The following SRGAP1 variants were observed in gnomAD, a reference collection of about 807,000 sequenced individuals.
SRGAP1 encodes the protein SLIT-ROBO Rho GTPase-activating protein 1.
Under a neutral mutation model 121.9 loss-of-function variants are expected in SRGAP1, and 43 were observed. The observed-to-expected ratio is 0.35, with a 90% confidence interval of 0.28 to 0.46. SRGAP1 has a LOEUF of 0.46. Ranked by LOEUF, SRGAP1 falls within the 20% of genes least tolerant of loss-of-function variation. The pLI, the probability that SRGAP1 is intolerant of heterozygous loss-of-function variation, is 1.00. For synonymous variants in SRGAP1, 447 were observed against 485.4 expected (o/e 0.92, Z 1.04); for missense variants, 1,102 against 1,350.9 (o/e 0.82, Z 2.89).
intron 1 of SRGAP1, among the ~76,000 whole-genome samples, chr12:63,946,228 T>C (rs2032041434): frequency 6.6e-6 from 1 of 152,088 alleles, no homozygotes; most frequent in Non-Finnish European, 1.5e-5. Flanking sequence ...ATGTTACCAT[T>C]GTCACCATCC....
rs2037031620 is a variant in SRGAP1, at chr12:64,145,172, A to G, written c.*2500A>G. 6.6e-6 allele frequency: 1 copy of G among 152,124 alleles called. No individual in the cohort carries two copies. Among genetic ancestry groups the G allele is most frequent in the South Asian group, 2.1e-4 (1 of 4,816 alleles). 9.4% of individuals were successfully genotyped at this position (152,124 alleles called of 1,614,324 possible). A position where few individuals can be genotyped will look rare whatever the true frequency, so the allele number is the denominator to read the frequency against. ...AAAATAGTAAGAATTCTTAAAAACCATATTCCTTGTTTGATGGAAGAGTAA... is the reference window on the plus strand; with the variant it reads ...AAAATAGTAAGAATTCTTAAAAACCGTATTCCTTGTTTGATGGAAGAGTAA... On this transcript the variant is annotated 3_prime_UTR_variant, in exon 22 of 22. Coordinates refer to ENST00000355086, the MANE Select transcript of SRGAP1 (RefSeq NM_020762.4).
intron 11 of SRGAP1, among the ~76,000 whole-genome samples, chr12:64,090,271 G>A (rs2036025391): frequency 6.6e-6 from 1 of 152,204 alleles, no homozygotes. Flanking sequence ...ATGTGCATAT[G>A]TCAGAGAGAA....
intron 4 of SRGAP1, among the ~76,000 whole-genome samples, chr12:64,042,448 T>G (rs1374149087): frequency 6.6e-6 from 1 of 152,182 alleles, no homozygotes; most frequent in Non-Finnish European, 1.5e-5. Flanking sequence ...AATAAACGGT[T>G]TATTCTGCAA....
chr12:64,084,619 G>A (rs1311327940), intron 10 of SRGAP1, among the ~76,000 whole-genome samples: 1 of 151,974 alleles, frequency 6.6e-6, no homozygotes, highest in Admixed American at 6.6e-5. Context: ...GCACGCTCTT[G>A]GTTCATTATT....
intron 4 of SRGAP1, among the ~76,000 whole-genome samples, chr12:64,017,696 T>A (rs1277200824): frequency 6.6e-6 from 1 of 151,962 alleles, no homozygotes; most frequent in Non-Finnish European, 1.5e-5. Context: ...ACTTGAGCAA[T>A]TTAGGTTGCG....
chr12:64,090,887 T>C (rs2036038565), intron 11 of SRGAP1, among the ~76,000 whole-genome samples: 1 of 152,140 alleles, frequency 6.6e-6, no homozygotes, highest in Admixed American at 6.5e-5. Context: ...TAATTCCTCA[T>C]TTGGGGATCT....
intron 1 of SRGAP1, among the ~76,000 whole-genome samples, chr12:63,910,980 A>C (rs1213673224): frequency 6.6e-6 from 1 of 152,140 alleles, no homozygotes; most frequent in Non-Finnish European, 1.5e-5. Flanking sequence ...TACACTTGAC[A>C]ACAAATCCAA....
At chr12:63,905,582 G>C (rs2030163044) in intron 1 of SRGAP1, among the ~76,000 whole-genome samples, 1 of 152,186 alleles carries the variant, frequency 6.6e-6, no homozygotes, top group South Asian at 2.1e-4. Flanking sequence ...AGTTTAATAA[G>C]TCAGCTTCCT....
chr12:64,028,830 A>G (rs1011438025), intron 4 of SRGAP1, among the ~76,000 whole-genome samples: 3 of 152,216 alleles, frequency 2.0e-5, no homozygotes, highest in Admixed American at 6.5e-5. Context: ...TGTGGTGGAC[A>G]CAAACGTTCA....
At position 63,984,091 on chromosome 12, in the gene SRGAP1, C is replaced by T; in HGVS notation, c.212C>T (p.Ala71Val). The T allele has an allele frequency of 6.5e-7, 1 of 1,529,654 alleles. No individual in the cohort carries two copies. The highest frequency in any genetic ancestry group is 1.3e-5 in the South Asian group (1 of 78,356). The allele number at this position is 1,529,654 out of a possible 1,614,324, so 94.8% of individuals were successfully genotyped here. A position where few individuals can be genotyped will look rare whatever the true frequency, so the allele number is the denominator to read the frequency against. Residue 71 changes from alanine to valine, a missense_variant, in exon 2 of 22, where the codon GCA (alanine) becomes GTA (valine). Ala to Val is a moderately conservative substitution (Grantham distance 64, BLOSUM62 0). Transcript: ENST00000355086. Reference protein sequence around the residue: ...TEYSRNLEKLAERFMAKTRST... With the variant: ...TEYSRNLEKLVERFMAKTRST... ...TATTCCCGGAATCTAGAGAAGTTAG[C>T]AGAAAGGTTCATGGCAAAAACAAGA... is the stretch of plus-strand genomic sequence containing the variant.
intron 21 of SRGAP1, 82 bp downstream of exon 21, chr12:64,128,282 T>C: frequency 8.3e-7 from 1 of 1,211,844 alleles, no homozygotes; most frequent in African/African-American, 1.5e-5. Flanking sequence ...TTATTTACTT[T>C]TTACTTTATT....
chr12:64,047,750 T>C (rs1244728544), intron 6 of SRGAP1, among the ~76,000 whole-genome samples: 1 of 152,086 alleles, frequency 6.6e-6, no homozygotes, highest in East Asian at 1.9e-4. Flanking sequence ...TCATAAATTT[T>C]CCGTAGAAAC....
chr12:64,012,279 A>G (rs949302140), intron 3 of SRGAP1, among the ~76,000 whole-genome samples: 1 of 152,210 alleles, frequency 6.6e-6, no homozygotes, highest in Non-Finnish European at 1.5e-5. Flanking sequence ...GGGTTTATAC[A>G]CTGGAGATAT....
chr12:63,852,376 T>C (rs563722327), intron 1 of SRGAP1, among the ~76,000 whole-genome samples: 22 of 152,330 alleles, frequency 1.4e-4, no homozygotes, highest in African/African-American at 4.8e-4. Context: ...ACTAGTCTTT[T>C]TACCAGAATG....
chr12:63,890,478 G>A (rs1179490879), intron 1 of SRGAP1, among the ~76,000 whole-genome samples: 1 of 152,196 alleles, frequency 6.6e-6, no homozygotes, highest in East Asian at 1.9e-4. Flanking sequence ...AGAAGGTTGT[G>A]GGGTTTTGTT....
chr12:63,865,736 A>C (rs1899606714), intron 1 of SRGAP1, among the ~76,000 whole-genome samples: 1 of 152,112 alleles, frequency 6.6e-6, no homozygotes, highest in Non-Finnish European at 1.5e-5. Flanking sequence ...TTTCCTATTG[A>C]CCAGTGCCGG....
intron 6 of SRGAP1, among the ~76,000 whole-genome samples, chr12:64,062,239 T>A (rs2035463326): frequency 6.6e-6 from 1 of 152,202 alleles, no homozygotes; most frequent in Admixed American, 6.5e-5. Context: ...TGAAGTGGTA[T>A]CTCATTGTGG....
chr12:64,030,988 C>A (rs201867565), intron 4 of SRGAP1, among the ~76,000 whole-genome samples: 1 of 152,110 alleles, frequency 6.6e-6, no homozygotes, highest in African/African-American at 2.4e-5. Context: ...ATAATTAGTA[C>A]AATTTGTTGT....
rs2037171017 is a variant in SRGAP1, at chr12:64,157,285, T to A, written c.*14613T>A. ...GCAAGTATCTGTTTACACATCTGTATGAGAGTAATTGATGCTAGCTGCTGT... is the reference window on the plus strand; with the variant it reads ...GCAAGTATCTGTTTACACATCTGTAAGAGAGTAATTGATGCTAGCTGCTGT... On this transcript the variant is annotated 3_prime_UTR_variant, in exon 22 of 22. Transcript: ENST00000355086. The A allele has an allele frequency of 6.6e-6, 1 of 152,190 alleles. No homozygotes were observed. The highest frequency in any genetic ancestry group is 1.5e-5 in the Non-Finnish European group (1 of 68,052). The allele number at this position is 152,190 out of a possible 1,614,324, so 9.4% of individuals were successfully genotyped here. A position where few individuals can be genotyped will look rare whatever the true frequency, so the allele number is the denominator to read the frequency against.
Sources: gnomAD v4.1 joint callset for allele counts (sites outside exome capture counted in the v4.1 genomes callset) on GRCh38, gnomAD v4.1.1 for gene constraint, MANE v1.5 for transcripts, NCBI Gene and HGNC (gene_info 2026-07-23, HGNC 2026-07-21) for gene names.